Variants in EPB41L3 observed in about 807,000 individuals in gnomAD.
EPB41L3 encodes the protein erythrocyte membrane protein band 4.1 like 3.
EPB41L3 carries 57 observed loss-of-function variants against 127.1 expected under a neutral mutation model. The ratio of observed to expected loss-of-function variants is 0.45; its 90% CI spans 0.36 to 0.56. EPB41L3 has a LOEUF of 0.56. EPB41L3 is among the 20% of genes least tolerant of loss of function. The pLI is 0.00. For missense variants in EPB41L3, 1,273 were observed against 1,372.2 expected, an observed-to-expected ratio of 0.93 and a Z score of 1.14; for synonymous variants, 572 against 549.5, an observed-to-expected ratio of 1.04 and a Z score of -0.57.
intron 1 of EPB41L3, among the ~76,000 whole-genome samples, chr18:5,518,155 C>A (rs2092826117): frequency 6.6e-6 from 1 of 152,120 alleles, no homozygotes; most frequent in South Asian, 2.1e-4. Context: ...ACATCAGGCC[C>A]CCTCAGGGAG....
At chr18:5,511,970 T>A (rs2092548720) in intron 1 of EPB41L3, among the ~76,000 whole-genome samples, 1 of 152,226 alleles carries the variant, frequency 6.6e-6, no homozygotes, top group South Asian at 2.1e-4. Flanking sequence ...TCAAAATCGC[T>A]TTCAATAAGA....
chr18:5,555,284 G>A (rs1197411567), intron 3 of EPB41L3, among the ~76,000 whole-genome samples: 1 of 152,148 alleles, frequency 6.6e-6, no homozygotes, highest in African/African-American at 2.4e-5. Context: ...GCATTCATGT[G>A]TGTTGACCAT....
intron 1 of EPB41L3, among the ~76,000 whole-genome samples, chr18:5,625,737 T>C (rs1448533339): frequency 3.9e-5 from 6 of 152,188 alleles, no homozygotes; most frequent in Non-Finnish European, 7.3e-5. Flanking sequence ...AGGTGTTTGA[T>C]ATGTTCTTCT....
At position 5,463,013 on chromosome 18, in the gene EPB41L3, GTTAC is replaced by G. The variant is rs565959037; in HGVS notation, c.381+15224_381+15227del. Among the ~76,000 whole-genome samples the G allele has an allele frequency of 4.4e-3, 673 of 152,252 alleles. 5 individuals carry two copies. The highest frequency in any genetic ancestry group is 0.015 in the African/African-American group (642 of 41,526). ...TCCACAAATCTCGAAGTCATTATCA[GTTAC>G]TGGCTCTTACCACTACCCACATCCC... On this transcript the variant is annotated intron_variant, in intron 3 of 22. Transcript: ENST00000341928.
chr18:5,604,564 G>A (rs112455585), intron 3 of EPB41L3, among the ~76,000 whole-genome samples: 1,605 of 152,000 alleles, frequency 0.011, 21 homozygotes, highest in African/African-American at 0.032. Context: ...AGTGATTCTT[G>A]TGTCTCAGCC....
chr18:5,566,792 C>CTATT (rs61502610), intron 3 of EPB41L3, among the ~76,000 whole-genome samples: 1,594 of 140,946 alleles, frequency 0.011, 27 homozygotes, highest in Middle Eastern at 0.038. Flanking sequence ...CTATTCTATT[C>CTATT]CATTCCATTC....
chr18:5,575,496 C>T (rs780743464), intron 3 of EPB41L3, among the ~76,000 whole-genome samples: 1 of 152,090 alleles, frequency 6.6e-6, no homozygotes, highest in Non-Finnish European at 1.5e-5. Flanking sequence ...GCACCCTCTT[C>T]GACTTCCTCC....
chr18:5,395,208 G>T, intron 20 of EPB41L3, 61 bp from the exon 21 acceptor site: 1 of 1,435,442 alleles, frequency 7.0e-7, no homozygotes, highest in Non-Finnish European at 9.8e-7. Context: ...TCATGGTTCA[G>T]TAGGGGGAAA....
intron 5 of EPB41L3, among the ~76,000 whole-genome samples, chr18:5,443,514 C>G (rs1464322329): frequency 2.0e-5 from 3 of 152,248 alleles, no homozygotes; most frequent in Non-Finnish European, 4.4e-5. Context: ...TGACTTTCAT[C>G]TGGCCTTTCA....
chr18:5,416,282 T>C lies in EPB41L3; in HGVS notation c.1603A>G (p.Asn535Asp), dbSNP rs759982893. 1 of 1,613,948 alleles carries C rather than the reference T, an allele frequency of 6.2e-7. No individual in the cohort carries two copies. Among genetic ancestry groups the C allele is most frequent in the Admixed American group, 1.7e-5 (1 of 59,986 alleles). Residue 535 changes from asparagine to aspartate, a missense_variant, in exon 13 of 23, where the codon AAT becomes GAT. This residue lies in a region of EPB41L3 where 765 missense variants were observed against 782.9 expected (regional missense o/e 0.98). Coordinates refer to ENST00000341928, the MANE Select transcript of EPB41L3 (RefSeq NM_012307.5). ...PTELRRRCKE[N>D]DCKLPGYEPS... is the part of the protein sequence containing the mutation. ...TCATAACCTGGCAGTTTGCAGTCAT[T>C]CTCCTTACACCTCCTACGGAGCTCT... is the stretch of plus-strand genomic sequence containing the variant.
rs1291494233 is a variant in EPB41L3 at position 5,433,886 on chromosome 18, AC to A, written c.824+16del. 3.1e-6 allele frequency: 5 copies of A among 1,613,332 alleles called. No individual in the cohort carries two copies. Among genetic ancestry groups the A allele is most frequent in the Admixed American group, 1.7e-5 (1 of 60,002 alleles). ...CCATCAAGGCACAACTTAAATGAAC[AC>A]CTTTCTGCCTCTAACCTGTGGCTCT... On this transcript the variant is annotated intron_variant, in intron 7 of 22. Transcript: ENST00000341928.
chr18:5,621,186 G>A lies in EPB41L3; in HGVS notation c.-467-6763C>T, dbSNP rs151164630. Among the ~76,000 whole-genome samples, 299 of 152,180 alleles carry A rather than the reference G, an allele frequency of 2.0e-3. 1 individual carries two copies. The highest frequency in any genetic ancestry group is 6.8e-3 in the African/African-American group (282 of 41,522). On this transcript the variant is annotated intron_variant, in intron 1 of 21. Coordinates refer to the EPB41L3 transcript ENST00000545076. ...TCCTTTCAGATATTTGATGTTAGGCGTCACTGTAGTGGCCAAAATCGGAGC... is the reference window on the plus strand; with the variant it reads ...TCCTTTCAGATATTTGATGTTAGGCATCACTGTAGTGGCCAAAATCGGAGC...
upstream of EPB41L3, among the ~76,000 whole-genome samples, chr18:5,629,684 C>G (rs2094968496): frequency 6.6e-6 from 1 of 152,040 alleles, no homozygotes; most frequent in African/African-American, 2.4e-5. Context: ...TGCAGGGGGG[C>G]GGGGACGGAT....
In EPB41L3 at chr18:5,416,081, C is replaced by G. The variant is rs1427577460; in HGVS notation, c.1804G>C (p.Asp602His). The G allele has an allele frequency of 2.5e-6, 4 of 1,612,530 alleles. No individual in the cohort carries two copies. The highest frequency in any genetic ancestry group is 1.3e-5 in the African/African-American group (1 of 74,978). ...LPESFPSLLDDDGYLSFPNLS... is the reference protein window; with the variant it reads ...LPESFPSLLDHDGYLSFPNLS... ...TTGGGGAAAGAGAGGTATCCATCAT[C>G]ATCTAGGAGGGAGGGGAATGACTCA... Residue 602 changes from aspartate (D) to histidine (H), a missense_variant, in exon 13 of 23, where the codon GAT becomes CAT. Around this residue, in one of 3 missense-constraint regions of EPB41L3, gnomAD observed 765 missense variants for 782.9 expected, o/e 0.98. Transcript: ENST00000341928.
At chr18:5,437,960 G>T in intron 6 of EPB41L3, 75 bp downstream of exon 6, 3 of 1,081,620 alleles carry the variant, frequency 2.8e-6, no homozygotes, top group Non-Finnish European at 2.6e-6. Flanking sequence ...ATGTAAGCAC[G>T]CTCTTTCCGG....
Position 5,610,668 on chromosome 18 carries a change from C to G in EPB41L3, c.-306+1672G>C, listed in dbSNP as rs541954428. ...AAAGTGATTTACACATTCCAACAAG[C>G]ATTTGACTAAAACAATTCTAATTAC... On this transcript the variant is annotated intron_variant, in intron 3 of 21. Coordinates refer to the EPB41L3 transcript ENST00000545076. Among the ~76,000 whole-genome samples the G allele has an allele frequency of 2.6e-5, 4 of 150,982 alleles. No homozygotes were observed. The East Asian group carries it at 8.0e-4, about 30-fold the overall frequency.
Position 5,627,728 on chromosome 18 carries a change from A to C in EPB41L3, c.-468+1194T>G, listed in dbSNP as rs189481455. Among the ~76,000 whole-genome samples the C allele has an allele frequency of 1.9e-4, 29 of 151,710 alleles. No individual in the cohort carries two copies. The East Asian group carries it at 5.2e-3, about 27-fold the overall frequency. ...AATGCCAGACTCTGGGAATAAAAGA[A>C]TGAGAAAGAGCCCTGCCCTCAATAA... On this transcript the variant is annotated intron_variant, in intron 1 of 21. Transcript: ENST00000545076.
intron 1 of EPB41L3, among the ~76,000 whole-genome samples, chr18:5,512,840 T>C (rs1267745415): frequency 6.6e-6 from 1 of 152,194 alleles, no homozygotes; most frequent in Non-Finnish European, 1.5e-5. Flanking sequence ...TGGCTGGCTC[T>C]GCAAACGTAG....
At chr18:5,595,769 C>T (rs893043780) in intron 3 of EPB41L3, among the ~76,000 whole-genome samples, 1 of 152,114 alleles carries the variant, frequency 6.6e-6, no homozygotes, top group Non-Finnish European at 1.5e-5. Context: ...TGGACATGTG[C>T]TTATTTTCCT....
Sources: allele counts gnomAD v4.1 joint callset (sites outside exome capture counted in the v4.1 genomes callset), GRCh38; gene constraint gnomAD v4.1.1; regional missense constraint gnomAD v4.1.1; transcripts MANE v1.5; gene names NCBI Gene and HGNC (gene_info 2026-07-23, HGNC 2026-07-21).